Variants in COL6A5 observed in about 807,000 individuals in gnomAD.
COL6A5 encodes collagen alpha-5(VI) chain.
A neutral mutation model predicts 65.6 loss-of-function variants in COL6A5; 48 were observed. The ratio of observed to expected loss-of-function variants is 0.73; its 90% confidence interval spans 0.58 to 0.93. The LOEUF is 0.93. Ranked by LOEUF, COL6A5 falls within the 40% of genes least tolerant of loss-of-function variation. COL6A5 has a pLI of 0.00. For missense variants in COL6A5, 914 were observed against 928.3 expected (o/e 0.98, Z 0.20); for synonymous variants, 291 against 322.8 (o/e 0.90, Z 1.05).
chr3:130,453,441 G>C (rs1267176041), intron 4 of COL6A5, among the ~76,000 whole-genome samples: 2 of 152,052 alleles, frequency 1.3e-5, no homozygotes, highest in Admixed American at 6.6e-5. Flanking sequence ...ACCCATAGTT[G>C]TTTTTTATAG....
At chr3:130,370,610 A>G (rs1377188036) in intron 1 of COL6A5, among the ~76,000 whole-genome samples, 1 of 152,226 alleles carries the variant, frequency 6.6e-6, no homozygotes, top group African/African-American at 2.4e-5. Flanking sequence ...AGCATGAACA[A>G]TAAAAAAGAC....
At chr3:130,463,222 A>T (rs1178194814) in intron 5 of COL6A5, among the ~76,000 whole-genome samples, 1 of 152,128 alleles carries the variant, frequency 6.6e-6, no homozygotes. Context: ...TATTAGCTAC[A>T]GTTCATCTGG....
At chr3:130,428,301 C>T (rs1253069077), upstream of COL6A5, among the ~76,000 whole-genome samples, 1 of 152,120 alleles carries the variant, frequency 6.6e-6, no homozygotes, top group African/African-American at 2.4e-5. Context: ...TAATAGCTGA[C>T]ATTTCCAAGG....
exon 12 of COL6A5, chr3:130,401,799 G>A (rs1936825854): frequency 4.5e-6 from 7 of 1,551,444 alleles, no homozygotes; most frequent in Non-Finnish European, 6.1e-6. Context: ...TGTACATTCT[G>A]CAAATGTCCA....
rs544027422 is a variant in COL6A5 at position 130,386,172 on chromosome 3, G to T, written c.1861+808G>T. Among the ~76,000 whole-genome samples the T allele has an allele frequency of 1.6e-4, 25 of 152,144 alleles. No individual in the cohort carries two copies. In the East Asian group the frequency reaches 4.6e-3, roughly 28 times the overall value. ...AAGCACATTAGTTTACTGGTAAAGA[G>T]GAAAGATGCTAGAGTCAGAGTCAAG... On this transcript the variant is annotated intron_variant and NMD_transcript_variant, in intron 5 of 41. Coordinates refer to the COL6A5 transcript ENST00000312481.
At chr3:130,355,960 G>T (rs1236355848) in intron 1 of COL6A5, among the ~76,000 whole-genome samples, 1 of 152,108 alleles carries the variant, frequency 6.6e-6, no homozygotes, top group East Asian at 1.9e-4. Flanking sequence ...AGGAAGCAGG[G>T]TTTATGATGT....
At chr3:130,353,654 T>C (rs1175807188) in intron 1 of COL6A5, among the ~76,000 whole-genome samples, 1 of 147,766 alleles carries the variant, frequency 6.8e-6, no homozygotes, top group Non-Finnish European at 1.5e-5. Context: ...GAGAGAGAAG[T>C]GGTAAGAAAG....
chr3:130,381,083 T>A (rs1935978688), intron 4 of COL6A5, among the ~76,000 whole-genome samples: 1 of 152,124 alleles, frequency 6.6e-6, no homozygotes, highest in Non-Finnish European at 1.5e-5. Context: ...CCAAGAGTTA[T>A]ATGTGCCATT....
chr3:130,421,182 G>C (rs1271556926), exon 26 of COL6A5: 2 of 1,550,646 alleles, frequency 1.3e-6, no homozygotes, highest in East Asian at 4.9e-5. Flanking sequence ...GCTACGGTCA[G>C]ATGGGACGAA....
At chr3:130,408,459 C>T (rs1937073409) in intron 17 of COL6A5, among the ~76,000 whole-genome samples, 1 of 152,144 alleles carries the variant, frequency 6.6e-6, no homozygotes, top group Admixed American at 6.5e-5. Flanking sequence ...ACACTGTTTC[C>T]TGTTAAGATG....
intron 4 of COL6A5, among the ~76,000 whole-genome samples, chr3:130,382,702 A>G (rs768334881): frequency 1.2e-4 from 18 of 152,132 alleles, no homozygotes; most frequent in Non-Finnish European, 2.2e-4. Context: ...GCTCAGAGAA[A>G]CAATCTATAT....
intron 6 of COL6A5, 39 bp from the exon 7 acceptor site, chr3:130,391,140 T>C: frequency 1.4e-6 from 2 of 1,440,266 alleles, no homozygotes; most frequent in Non-Finnish European, 1.9e-6. Context: ...TAGAATGCAC[T>C]GCAGAAAGTT....
intron 5 of COL6A5, among the ~76,000 whole-genome samples, chr3:130,459,481 A>G (rs1709654710): frequency 6.6e-6 from 1 of 152,044 alleles, no homozygotes; most frequent in Admixed American, 6.6e-5. Context: ...GTCTGGAGAC[A>G]TTTTTTTAAT....
intron 20 of COL6A5, 46 bp from the exon 21 acceptor site, chr3:130,413,499 T>G: frequency 6.6e-7 from 1 of 1,524,656 alleles, no homozygotes; most frequent in South Asian, 1.2e-5. Context: ...AAGGAACCCC[T>G]CCATTCAGAC....
intron 7 of COL6A5, among the ~76,000 whole-genome samples, chr3:130,480,568 T>A (rs1391902307): frequency 6.6e-6 from 1 of 152,150 alleles, no homozygotes. Flanking sequence ...TGGTGGACTC[T>A]GTTGGATAAG....
intron 1 of COL6A5, among the ~76,000 whole-genome samples, chr3:130,367,609 G>A (rs1036896468): frequency 1.3e-5 from 2 of 152,190 alleles, no homozygotes; most frequent in African/African-American, 2.4e-5. Context: ...CTCCAGGCAA[G>A]CTTTTTGTCT....
At chr3:130,484,254 G>C (rs1710321077) in exon 8 of COL6A5, 1 of 541,514 alleles carries the variant, frequency 1.8e-6, no homozygotes. Context: ...TCAGTAAGAA[G>C]ACCTGACAAA....
intron 3 of COL6A5, among the ~76,000 whole-genome samples, chr3:130,441,332 A>T (rs1379415461): frequency 6.6e-6 from 1 of 152,204 alleles, no homozygotes; most frequent in Non-Finnish European, 1.5e-5. Context: ...CATTTCTAAC[A>T]GATACTGCAG....
chr3:130,462,274 A>G (rs1709719688), intron 5 of COL6A5, among the ~76,000 whole-genome samples: 1 of 152,070 alleles, frequency 6.6e-6, no homozygotes, highest in Non-Finnish European at 1.5e-5. Context: ...GCTGGCAGTG[A>G]TAAGTGGAGA....
Sources: gnomAD v4.1 joint callset for allele counts (sites outside exome capture counted in the v4.1 genomes callset) on GRCh38, gnomAD v4.1.1 for gene constraint, MANE v1.5 for transcripts, NCBI Gene and HGNC (gene_info 2026-07-23, HGNC 2026-07-21) for gene names.